VEGFA: variants seen among roughly 807,000 people sequenced by gnomAD.
VEGFA encodes the protein vascular endothelial growth factor A, long form.
Under a neutral mutation model 49.7 loss-of-function variants are expected in VEGFA, and 20 were observed. That is an observed-to-expected ratio of 0.40 (90% CI 0.28 to 0.58). The LOEUF is 0.58. VEGFA is among the 20% of genes least tolerant of loss of function. The probability of loss-of-function intolerance (pLI) is 0.40; values close to 1 mark genes in which losing one functional copy is unlikely to be tolerated. For synonymous variants in VEGFA, 219 were observed against 223.4 expected (o/e 0.98, Z 0.18); for missense variants, 505 against 553.5 (o/e 0.91, Z 0.88).
At position 43,777,399 on chromosome 6, in the gene VEGFA, TG is replaced by T; in HGVS notation, c.659-67del. 2 of 1,564,642 alleles carry T rather than the reference TG, an allele frequency of 1.3e-6. No individual in the cohort carries two copies. Among genetic ancestry groups the T allele is most frequent in the Admixed American group, 1.7e-5 (1 of 59,542 alleles). The stretch of plus-strand genomic sequence containing the variant: ...GCTCCAAAGAGTGGCATTACAGAGC[TG>T]GGTGGAGAGAGGGGCTAGCCATCTT... On this transcript the variant is annotated intron_variant, in intron 2 of 7. Coordinates refer to ENST00000672860, the MANE Select transcript of VEGFA (RefSeq NM_003376.6). The surrounding 1 kb of genome is among the most constrained non-coding windows in gnomAD (Gnocchi z 4.3).
At chr6:43,778,121 G>A (rs1766070865) in intron 3 of VEGFA, 1 of 479,598 alleles carries the variant, frequency 2.1e-6, no homozygotes, top group Non-Finnish European at 3.8e-6. Context: ...TTGCTTTCGG[G>A]TATCTACTAG....
In VEGFA at chr6:43,771,492, G is replaced by A. The variant is rs1034693410; in HGVS notation, c.606+180G>A. ...GGGAGGGGGCGCGCGCGCTAGGTGG[G>A]AGGGTACCCGGAGAGAGGCTCACCG... On this transcript the variant is annotated intron_variant, in intron 1 of 7. Coordinates refer to ENST00000672860, the MANE Select transcript of VEGFA (RefSeq NM_003376.6). Among the ~76,000 whole-genome samples the A allele has an allele frequency of 7.6e-4, 115 of 152,124 alleles. 2 individuals carry two copies. Among genetic ancestry groups the A allele is most frequent in the African/African-American group, 2.6e-3 (110 of 41,516 alleles).
In VEGFA at chr6:43,786,198, G is replaced by A. The variant is rs1428258842; in HGVS notation, c.*1636G>A. On this transcript the variant is annotated 3_prime_UTR_variant, in exon 8 of 8. Transcript: ENST00000672860. The stretch of plus-strand genomic sequence containing the variant: ...ATGTGATTCTGATAAAATAGACATT[G>A]CTATTCTGTTTTTTATATGTAAAAA... The A allele has an allele frequency of 5.7e-6, 1 of 176,054 alleles. No homozygotes were observed. Among genetic ancestry groups the A allele is most frequent in the Non-Finnish European group, 1.2e-5 (1 of 82,228 alleles). 10.9% of individuals were successfully genotyped at this position (176,054 alleles called of 1,614,324 possible).
chr6:43,783,383 G>C (rs1768554107), intron 7 of VEGFA: 1 of 152,462 alleles, frequency 6.6e-6, no homozygotes, highest in Non-Finnish European at 1.5e-5. Flanking sequence ...TGGGAACCAG[G>C]CCTGGGTAGT....
rs1365369041 is a variant in VEGFA, at chr6:43,770,675, C to A, written c.-32C>A. The A allele has an allele frequency of 2.0e-6, 3 of 1,534,888 alleles. No homozygotes were observed. The highest frequency in any genetic ancestry group is 2.8e-5 in the African/African-American group (2 of 70,410). ...ACCGCCGGAGCGCGGCGTGAGCCCT[C>A]CCCCTTGGGATCCCGCAGCTGACCA... On this transcript the variant is annotated 5_prime_UTR_variant, in exon 1 of 8. Coordinates refer to ENST00000672860, the MANE Select transcript of VEGFA (RefSeq NM_003376.6).
At position 43,774,299 on chromosome 6, in the gene VEGFA, G is replaced by A. The variant is rs753425419; in HGVS notation, c.607-42G>A. The stretch of plus-strand genomic sequence containing the variant: ...TGGGTGGCTGGGCCTGTGCACCCCA[G>A]CCCCTGCCCATGCCCATGCCTTGCT... On this transcript the variant is annotated intron_variant, in intron 1 of 7. Transcript: ENST00000672860. 4.3e-6 allele frequency: 7 copies of A among 1,610,870 alleles called. No homozygotes were observed. In the East Asian group the frequency reaches 1.1e-4, roughly 26 times the overall value.
intron 6 of VEGFA, chr6:43,781,569 G>A (rs965446566): frequency 9.9e-5 from 34 of 344,984 alleles, no homozygotes; most frequent in African/African-American, 4.1e-4. Context: ...AGCCTTGCAC[G>A]GGGAGAAGGT....
In VEGFA at chr6:43,780,610, T is replaced by A. The variant is rs1336294009; in HGVS notation, c.963-122T>A. On this transcript the variant is annotated intron_variant, in intron 5 of 7. Transcript: ENST00000672860. ...AGACCACCTGCCTCCTGACACTTCC[T>A]CCGGGAAGCGGCCCTGTGTGGCTTT... 13 of 1,446,222 alleles carry A rather than the reference T, an allele frequency of 9.0e-6. No homozygotes were observed. In the Admixed American group the frequency reaches 2.5e-4, roughly 28 times the overall value. 89.6% of individuals were successfully genotyped at this position (1,446,222 alleles called of 1,614,324 possible).
chr6:43,771,317 G>T lies in VEGFA; in HGVS notation c.606+5G>T. Reference sequence around the variant, plus strand: ...CTCTACCTCCACCATGCCAAGGTAAGCGGTCGTGCCCTGCTGGCGCCGCGG... The same window carrying T: ...CTCTACCTCCACCATGCCAAGGTAATCGGTCGTGCCCTGCTGGCGCCGCGG... On this transcript the variant is annotated splice_donor_5th_base_variant and intron_variant, in intron 1 of 7. Transcript: ENST00000672860. The T allele has an allele frequency of 6.2e-7, 1 of 1,601,598 alleles. No individual in the cohort carries two copies. The highest frequency in any genetic ancestry group is 8.5e-7 in the Non-Finnish European group (1 of 1,175,614).
chr6:43,774,640 TG>T, intron 2 of VEGFA: 1 of 580,924 alleles, frequency 1.7e-6, no homozygotes, highest in East Asian at 2.9e-5. Flanking sequence ...AAATTTTATT[TG>T]GAGAAGGAGT....
chr6:43,778,666 C>A, intron 4 of VEGFA, 130 bp downstream of exon 4: 1 of 1,084,076 alleles, frequency 9.2e-7, no homozygotes, highest in Non-Finnish European at 1.4e-6. Context: ...CATTTTACTT[C>A]AATGTGCCTC....
Position 43,778,535 on chromosome 6 carries a change from A to C in VEGFA, c.931A>C (p.Arg311=), listed in dbSNP as rs1424048096. ...CCTACAGCACAACAAATGTGAATGC[A>C]GGTGAGGATGTAGTCACGGATTCAT... Residue 311 remains arginine, a splice_region_variant and synonymous_variant, in exon 4 of 8, where the codon AGA becomes CGA. Transcript: ENST00000672860. 1 of 1,613,798 alleles carries C rather than the reference A, an allele frequency of 6.2e-7. No homozygotes were observed. Among genetic ancestry groups the C allele is most frequent in the South Asian group, 1.1e-5 (1 of 91,084 alleles).
chr6:43,782,251 C>G, intron 7 of VEGFA, 164 bp downstream of exon 7: 1 of 1,065,926 alleles, frequency 9.4e-7, no homozygotes, highest in African/African-American at 1.6e-5. Flanking sequence ...GCCTTCTCTG[C>G]TTTTAAGGCC....
chr6:43,782,262 C>G (rs1768078614), intron 7 of VEGFA, 175 bp downstream of exon 7: 1 of 992,436 alleles, frequency 1.0e-6, no homozygotes, highest in African/African-American at 1.6e-5. Flanking sequence ...TTTTAAGGCC[C>G]CTGTGGTGGG....
At position 43,782,222 on chromosome 6, in the gene VEGFA, T is replaced by A. The variant is rs2128052966; in HGVS notation, c.1166+135T>A. ...GCCAGCTGCTTGCTCAGTTTCTAGC[T>A]GCCTGCCTGGTGACTGCTGCCTTCT... On this transcript the variant is annotated intron_variant, in intron 7 of 7. Coordinates refer to ENST00000672860, the MANE Select transcript of VEGFA (RefSeq NM_003376.6). 1.7e-5 allele frequency: 22 copies of A among 1,329,088 alleles called. No individual in the cohort carries two copies. In the South Asian group the frequency reaches 2.7e-4, roughly 17 times the overall value. The allele number at this position is 1,329,088 out of a possible 1,614,324, so 82.3% of individuals were successfully genotyped here.
Position 43,784,557 on chromosome 6 carries a change from C to G in VEGFA, c.1183C>G (p.Arg395Gly), listed in dbSNP as rs771561387. The G allele has an allele frequency of 6.2e-7, 1 of 1,614,204 alleles. No individual in the cohort carries two copies. The highest frequency in any genetic ancestry group is 2.2e-5 in the East Asian group (1 of 44,888). ...TTCCCTCAGATGTGACAAGCCGAGGCGGTGAGCCGGGCAGGAGGAAGGAGC... is the reference window on the plus strand; with the variant it reads ...TTCCCTCAGATGTGACAAGCCGAGGGGGTGAGCCGGGCAGGAGGAAGGAGC... The change falls in exon 8 of 8, where the codon CGG becomes GGG. Residue 395 changes from arginine (R) to glycine (G), a missense_variant. By Grantham distance (125) the Arg-to-Gly change is moderately radical. Around this residue, in one of 2 missense-constraint regions of VEGFA, gnomAD observed 165 missense variants for 231.7 expected, o/e 0.71. Transcript: ENST00000672860.
chr6:43,777,336 C>A lies in VEGFA; in HGVS notation c.659-133C>A. 1.1e-6 allele frequency: 1 copy of A among 949,252 alleles called. No homozygotes were observed. The highest frequency in any genetic ancestry group is 1.6e-6 in the Non-Finnish European group (1 of 608,424). The allele number at this position is 949,252 out of a possible 1,614,324, so 58.8% of individuals were successfully genotyped here. On this transcript the variant is annotated intron_variant, in intron 2 of 7. Coordinates refer to ENST00000672860, the MANE Select transcript of VEGFA (RefSeq NM_003376.6). The surrounding 1 kb of genome is among the most constrained non-coding windows in gnomAD (Gnocchi z 4.3). ...AGTGCTTCAAACACAGTAGGAGGGA[C>A]TTACGTTAGATTTTGGAAGGACTTG...
At position 43,778,410 on chromosome 6, in the gene VEGFA, T is replaced by G; in HGVS notation, c.856-50T>G. On this transcript the variant is annotated intron_variant, in intron 3 of 7. Coordinates refer to ENST00000672860, the MANE Select transcript of VEGFA (RefSeq NM_003376.6). Reference sequence around the variant, plus strand: ...GAGCCCCAGGGTTGTCCCATCTGGGTATGGCTGGCTGGGTCACTAACCTCT... The same window carrying G: ...GAGCCCCAGGGTTGTCCCATCTGGGGATGGCTGGCTGGGTCACTAACCTCT... 9.0e-6 allele frequency: 14 copies of G among 1,547,524 alleles called. No homozygotes were observed. In the East Asian group the frequency reaches 9.1e-5, roughly 10 times the overall value.
At position 43,770,871 on chromosome 6, in the gene VEGFA, C is replaced by A. The variant is rs1325785128; in HGVS notation, c.165C>A (p.Phe55Leu). Reference sequence around the variant, plus strand: ...CTCGCGGCGTCGCACTGAAACTTTTCGTCCAACTTCTGGGCTGTTCTCGCT... The same window carrying A: ...CTCGCGGCGTCGCACTGAAACTTTTAGTCCAACTTCTGGGCTGTTCTCGCT... Residue 55 changes from phenylalanine to leucine, a missense_variant, in exon 1 of 8, where the codon TTC becomes TTA. Phe to Leu is a conservative substitution (Grantham distance 22, BLOSUM62 0). Transcript: ENST00000672860. The A allele has an allele frequency of 1.3e-6, 2 of 1,539,884 alleles. No individual in the cohort carries two copies. Among genetic ancestry groups the A allele is most frequent in the Admixed American group, 2.0e-5 (1 of 50,266 alleles).
Sources: allele counts gnomAD v4.1 joint callset (sites outside exome capture counted in the v4.1 genomes callset), GRCh38; gene constraint gnomAD v4.1.1; regional missense constraint gnomAD v4.1.1; non-coding constraint Gnocchi (gnomAD v3.1); transcripts MANE v1.5; gene names NCBI Gene and HGNC (gene_info 2026-07-23, HGNC 2026-07-21).